The following SKAP1 variants were observed in gnomAD, a reference collection of about 807,000 sequenced individuals.
SKAP1 encodes src kinase associated phosphoprotein 1.
A neutral mutation model predicts 58.5 loss-of-function variants in SKAP1; 44 were observed. That is an observed-to-expected ratio of 0.75 (90% CI 0.59 to 0.97). SKAP1 has a LOEUF of 0.97. Ranked by LOEUF, SKAP1 falls within the 50% of genes least tolerant of loss-of-function variation. SKAP1 has a pLI of 0.00. For synonymous variants in SKAP1, 127 were observed against 149.7 expected (o/e 0.85, Z 1.11); for missense variants, 390 against 435.2 (o/e 0.90, Z 0.92).
chr17:48,257,392 T>C (rs2065435039), intron 4 of SKAP1, among the ~76,000 whole-genome samples: 2 of 152,130 alleles, frequency 1.3e-5, no homozygotes, highest in African/African-American at 4.8e-5. Context: ...AAATCTTACA[T>C]GTGGAGCTAT....
chr17:48,258,620 C>T (rs1227614018), intron 4 of SKAP1, among the ~76,000 whole-genome samples: 2 of 152,046 alleles, frequency 1.3e-5, no homozygotes, highest in Non-Finnish European at 2.9e-5. Flanking sequence ...GTGTAGCATA[C>T]AAATGAAATC....
intron 3 of SKAP1, among the ~76,000 whole-genome samples, chr17:48,358,055 G>T (rs2066898523): frequency 6.6e-6 from 1 of 152,182 alleles, no homozygotes; most frequent in Non-Finnish European, 1.5e-5. Flanking sequence ...AGTAGTATAG[G>T]TTGAGATAGT....
chr17:48,250,267 A>G (rs1242578069), intron 4 of SKAP1, among the ~76,000 whole-genome samples: 3 of 139,784 alleles, frequency 2.1e-5, no homozygotes, highest in African/African-American at 8.1e-5. Flanking sequence ...TTGCTGCCAT[A>G]GACAGTTTTT....
At chr17:48,234,835 A>G (rs573178828) in intron 4 of SKAP1, among the ~76,000 whole-genome samples, 2 of 152,348 alleles carry the variant, frequency 1.3e-5, no homozygotes, top group African/African-American at 4.8e-5. Flanking sequence ...TGGTGGCATG[A>G]TATGGCAGAA....
At chr17:48,188,815 A>G (rs2064494967) in intron 5 of SKAP1, among the ~76,000 whole-genome samples, 1 of 152,206 alleles carries the variant, frequency 6.6e-6, no homozygotes, top group African/African-American at 2.4e-5. Flanking sequence ...CCTGGCCAAC[A>G]TGATGAAATC....
At chr17:48,300,158 A>G (rs1432471244) in intron 4 of SKAP1, among the ~76,000 whole-genome samples, 3 of 152,170 alleles carry the variant, frequency 2.0e-5, no homozygotes, top group Non-Finnish European at 2.9e-5. Flanking sequence ...CCATCATCCA[A>G]GGAGGGCTCT....
chr17:48,349,238 C>T (rs563875233), intron 3 of SKAP1, among the ~76,000 whole-genome samples: 1 of 152,286 alleles, frequency 6.6e-6, no homozygotes, highest in Admixed American at 6.5e-5. Context: ...TACGTGTTCT[C>T]TGGATTTGTC....
intron 1 of SKAP1, among the ~76,000 whole-genome samples, chr17:48,416,618 C>T (rs1286258618): frequency 6.6e-6 from 1 of 152,200 alleles, no homozygotes; most frequent in Non-Finnish European, 1.5e-5. Flanking sequence ...ACCTTGGAAA[C>T]AGTAGAAAAC....
At chr17:48,368,720 A>C (rs961810277) in intron 2 of SKAP1, among the ~76,000 whole-genome samples, 1 of 152,242 alleles carries the variant, frequency 6.6e-6, no homozygotes, top group African/African-American at 2.4e-5. Flanking sequence ...ATTGATGATG[A>C]TCATTTTTAC....
intron 4 of SKAP1, among the ~76,000 whole-genome samples, chr17:48,320,567 G>T (rs71377355): frequency 6.6e-6 from 1 of 151,934 alleles, no homozygotes; most frequent in African/African-American, 2.4e-5. Flanking sequence ...TCTTACTAAG[G>T]CAAAGAAAAC....
chr17:48,150,554 C>T (rs559570395), intron 11 of SKAP1, among the ~76,000 whole-genome samples: 43 of 152,250 alleles, frequency 2.8e-4, no homozygotes, highest in African/African-American at 1.0e-3. Flanking sequence ...TTGAATGTTT[C>T]GATTATCTTT....
intron 4 of SKAP1, among the ~76,000 whole-genome samples, chr17:48,258,849 C>T (rs1352189327): frequency 2.0e-5 from 3 of 152,020 alleles, no homozygotes; most frequent in African/African-American, 7.2e-5. Context: ...AGGACCAGGC[C>T]TGTACTCTGA....
chr17:48,225,795 T>C (rs982430038), intron 4 of SKAP1, among the ~76,000 whole-genome samples: 1 of 152,114 alleles, frequency 6.6e-6, no homozygotes, highest in Admixed American at 6.5e-5. Context: ...TGCATACATC[T>C]GAAAGTGCAG....
intron 4 of SKAP1, among the ~76,000 whole-genome samples, chr17:48,235,841 GAGCCTAT>G (rs1255534399): frequency 1.3e-5 from 2 of 152,108 alleles, no homozygotes; most frequent in Non-Finnish European, 2.9e-5. Context: ...TACTCATCAG[GAGCCTAT>G]AGTCAAATAT....
At chr17:48,199,871 T>C (rs1281602758) in intron 4 of SKAP1, among the ~76,000 whole-genome samples, 2 of 152,086 alleles carry the variant, frequency 1.3e-5, no homozygotes, top group African/African-American at 4.8e-5. Flanking sequence ...AACGTTATAG[T>C]ACCTGGATTA....
chr17:48,350,190 A>T (rs1348259692), intron 3 of SKAP1, among the ~76,000 whole-genome samples: 2 of 151,918 alleles, frequency 1.3e-5, no homozygotes, highest in Non-Finnish European at 2.9e-5. Context: ...AAAGAAATTT[A>T]AAAAGACAGA....
chr17:48,388,943 A>G lies in SKAP1; in HGVS notation c.152+7737T>C, dbSNP rs148421600. Among the ~76,000 whole-genome samples, 531 of 152,328 alleles carry G rather than the reference A, an allele frequency of 3.5e-3. 2 individuals are homozygous for G. Among genetic ancestry groups the G allele is most frequent in the Non-Finnish European group, 6.5e-3 (439 of 68,022 alleles). ...AATTTACAAATGAGAGTCACTCACTAATATAACTTGGAGAAATAGCTAATT... is the reference window on the plus strand; with the variant it reads ...AATTTACAAATGAGAGTCACTCACTGATATAACTTGGAGAAATAGCTAATT... On this transcript the variant is annotated intron_variant, in intron 2 of 12. Transcript: ENST00000336915.
chr17:48,200,822 G>T (rs947730082), intron 4 of SKAP1, among the ~76,000 whole-genome samples: 4 of 152,188 alleles, frequency 2.6e-5, no homozygotes, highest in African/African-American at 9.7e-5. Context: ...GGGAAATCTG[G>T]TCCCTTTCAT....
chr17:48,256,553 T>A (rs1467158156), intron 4 of SKAP1, among the ~76,000 whole-genome samples: 1 of 152,078 alleles, frequency 6.6e-6, no homozygotes, highest in Non-Finnish European at 1.5e-5. Flanking sequence ...TCCACCAGCA[T>A]CCTAGTCCTA....
Sources: allele counts gnomAD v4.1 joint callset (sites outside exome capture counted in the v4.1 genomes callset), GRCh38; gene constraint gnomAD v4.1.1; transcripts MANE v1.5; gene names NCBI Gene and HGNC (gene_info 2026-07-23, HGNC 2026-07-21).